NFE2L3: variants seen among roughly 807,000 people sequenced by gnomAD.
NFE2L3 encodes the protein nuclear factor erythroid 2-related factor 3.
Under a neutral mutation model 23.5 loss-of-function variants are expected in NFE2L3, and 18 were observed. The observed-to-expected ratio is 0.77, with a 90% CI of 0.53 to 1.13. The LOEUF is 1.13. NFE2L3 is among the 50% of genes most tolerant of loss of function. The probability of loss-of-function intolerance (pLI) is 0.00; values close to 1 mark genes in which losing one functional copy is unlikely to be tolerated. For missense variants in NFE2L3, 1,152 were observed against 877.2 expected, an observed-to-expected ratio of 1.31 and a Z score of -3.96; for synonymous variants, 424 against 354.5, an observed-to-expected ratio of 1.20 and a Z score of -2.20.
At chr7:26,182,793 T>C (rs1782352000) in intron 2 of NFE2L3, among the ~76,000 whole-genome samples, 1 of 151,894 alleles carries the variant, frequency 6.6e-6, no homozygotes, top group African/African-American at 2.4e-5. Context: ...TGTAAATAAG[T>C]ATTGACTGTA....
chr7:26,179,891 T>TAAGAG (rs1784476755), intron 2 of NFE2L3, among the ~76,000 whole-genome samples: 1 of 152,078 alleles, frequency 6.6e-6, no homozygotes, highest in African/African-American at 2.4e-5. Flanking sequence ...GTGGGCACCT[T>TAAGAG]TTCGTGTATA....
In NFE2L3 at chr7:26,183,783, A is replaced by C; in HGVS notation, c.833A>C (p.Glu278Ala). Residue 278 changes from glutamate (E) to alanine (A), a missense_variant and splice_region_variant, in exon 3 of 4, where the codon GAG becomes GCG. By Grantham distance (107) the Glu-to-Ala change is moderately radical (BLOSUM62 -1). Transcript: ENST00000056233. ...LLSSQPENSLEGISLGDIPLP... is the reference protein window; with the variant it reads ...LLSSQPENSLAGISLGDIPLP... ...TCATCACAGCCTGAAAATTCACTGG[A>C]GGTAATTGGAACTTTGGCTTTTATC... 1.2e-6 allele frequency: 2 copies of C among 1,608,140 alleles called. No individual in the cohort carries two copies. Among genetic ancestry groups the C allele is most frequent in the South Asian group, 1.1e-5 (1 of 90,958 alleles).
intron 1 of NFE2L3, among the ~76,000 whole-genome samples, chr7:26,171,249 T>C (rs1784324207): frequency 6.6e-6 from 1 of 152,170 alleles, no homozygotes; most frequent in African/African-American, 2.4e-5. Context: ...CTATGCACCA[T>C]TAAGAAGCCA....
In NFE2L3 at chr7:26,186,598, G is replaced by GT. The variant is rs986380696; in HGVS notation, c.*816dup. The GT allele has an allele frequency of 5.3e-5, 8 of 152,142 alleles. No homozygotes were observed. Among genetic ancestry groups the GT allele is most frequent in the Non-Finnish European group, 8.8e-5 (6 of 68,028 alleles). 9.4% of individuals were successfully genotyped at this position (152,142 alleles called of 1,614,324 possible). ...GACAGAATGGGCTACTTGCAAAAAC[G>GT]TAACTCCTTGTGTGTATATTAAATC... On this transcript the variant is annotated 3_prime_UTR_variant, in exon 4 of 4. Coordinates refer to ENST00000056233, the MANE Select transcript of NFE2L3 (RefSeq NM_004289.7).
At chr7:26,165,663 G>A (rs925808541) in intron 1 of NFE2L3, among the ~76,000 whole-genome samples, 3 of 151,994 alleles carry the variant, frequency 2.0e-5, no homozygotes, top group African/African-American at 7.3e-5. Flanking sequence ...TGATTGCCCT[G>A]GCCAGAACTT....
At chr7:26,167,850 A>G (rs1784274279) in intron 1 of NFE2L3, among the ~76,000 whole-genome samples, 1 of 152,262 alleles carries the variant, frequency 6.6e-6, no homozygotes, top group African/African-American at 2.4e-5. Flanking sequence ...AAAAAGCAGT[A>G]GCAAGGAGTA....
chr7:26,183,909 C>CT, intron 3 of NFE2L3, 125 bp downstream of exon 3: 4 of 668,844 alleles, frequency 6.0e-6, no homozygotes, highest in South Asian at 1.8e-5. Flanking sequence ...TACAGAAGCA[C>CT]TTCAGCTTAG....
rs200943622 is a variant in NFE2L3, at chr7:26,185,404, A to G, written c.1706A>G (p.Tyr569Cys). 6.8e-6 allele frequency: 11 copies of G among 1,614,018 alleles called. No individual in the cohort carries two copies. The East Asian group carries it at 8.9e-5, about 13-fold the overall frequency. ...VDSFNSMLSRYYLTDLQVSLI... is the reference protein window; with the variant it reads ...VDSFNSMLSRCYLTDLQVSLI... Reference sequence around the variant, plus strand: ...TCTTTCAATAGCATGTTAAGTAGATATTATCTGACAGACCTACAAGTCTCA... The same window carrying G: ...TCTTTCAATAGCATGTTAAGTAGATGTTATCTGACAGACCTACAAGTCTCA... The change falls in exon 4 of 4, where the codon TAT becomes TGT. Residue 569 changes from tyrosine to cysteine, a missense_variant. Tyr to Cys is a radical substitution (Grantham distance 194). Coordinates refer to ENST00000056233, the MANE Select transcript of NFE2L3 (RefSeq NM_004289.7).
chr7:26,174,285 A>G (rs1006017305), intron 1 of NFE2L3: 25 of 152,406 alleles, frequency 1.6e-4, no homozygotes, highest in Admixed American at 1.4e-3. Flanking sequence ...AAGAGAAAAT[A>G]CACTGAGTAC....
At chr7:26,179,567 G>A (rs773474564) in intron 2 of NFE2L3, among the ~76,000 whole-genome samples, 8 of 151,940 alleles carry the variant, frequency 5.3e-5, no homozygotes, top group South Asian at 2.1e-4. Flanking sequence ...TTAGCTGGGC[G>A]TAGTGGTGTG....
At position 26,184,926 on chromosome 7, in the gene NFE2L3, C is replaced by T; in HGVS notation, c.1228C>T (p.Gln410Ter). 4.3e-6 allele frequency: 7 copies of T among 1,613,896 alleles called. No homozygotes were observed. The highest frequency in any genetic ancestry group is 5.1e-6 in the Non-Finnish European group (6 of 1,179,824). ...EDNFDPIDVS[Q>*]LFDEPDSDSG... is the part of the protein sequence containing the mutation. ...CAACTTTGATCCAATCGATGTTTCT[C>T]AGCTTTTTGATGAACCAGATTCTGA... Residue 410 changes from glutamine (Q) to a stop codon, truncating the protein, a stop_gained, in exon 4 of 4, where the codon CAG (glutamine) becomes TAG (stop). Transcript: ENST00000056233. LOFTEE classifies it low-confidence loss of function (END_TRUNC).
chr7:26,172,623 ATTG>A (rs1166737026), intron 1 of NFE2L3, among the ~76,000 whole-genome samples: 1 of 152,150 alleles, frequency 6.6e-6, no homozygotes, highest in Admixed American at 6.5e-5. Flanking sequence ...TCACCTTTAG[ATTG>A]TTGAAGGGCA....
Position 26,156,233 on chromosome 7 carries a change from A to G in NFE2L3, c.570+3165A>G, listed in dbSNP as rs577935509. Reference sequence around the variant, plus strand: ...GAGAATTAAAAAGTTCATTCCATGTAAAGGGCTTAGAACTTGCCTGTCACT... The same window carrying G: ...GAGAATTAAAAAGTTCATTCCATGTGAAGGGCTTAGAACTTGCCTGTCACT... On this transcript the variant is annotated intron_variant, in intron 1 of 3. Coordinates refer to ENST00000056233, the MANE Select transcript of NFE2L3 (RefSeq NM_004289.7). 1.2e-4 allele frequency among the ~76,000 whole-genome samples: 19 copies of G among 152,324 alleles called. No homozygotes were observed. The South Asian group carries it at 2.3e-3, about 18-fold the overall frequency.
chr7:26,172,496 A>G (rs1156575934), intron 1 of NFE2L3, among the ~76,000 whole-genome samples: 1 of 152,220 alleles, frequency 6.6e-6, no homozygotes, highest in Non-Finnish European at 1.5e-5. Context: ...CAGGACATTT[A>G]ATCTGAATGT....
chr7:26,166,425 A>C (rs1327455508), intron 1 of NFE2L3, among the ~76,000 whole-genome samples: 2 of 152,198 alleles, frequency 1.3e-5, no homozygotes, highest in African/African-American at 4.8e-5. Context: ...TCAGGGACAC[A>C]CATGGACCTG....
At chr7:26,162,236 C>T (rs1305930000) in intron 1 of NFE2L3, among the ~76,000 whole-genome samples, 3 of 151,098 alleles carry the variant, frequency 2.0e-5, no homozygotes, top group African/African-American at 7.4e-5. Context: ...AGTTCTATAT[C>T]GTGGTTGGGG....
chr7:26,163,641 G>A (rs1176435701), intron 1 of NFE2L3, among the ~76,000 whole-genome samples: 3 of 152,024 alleles, frequency 2.0e-5, no homozygotes, highest in Non-Finnish European at 4.4e-5. Context: ...GCTACCACAC[G>A]TGGCCAGGAT....
chr7:26,179,013 C>T (rs908892101), intron 2 of NFE2L3, among the ~76,000 whole-genome samples: 6 of 152,052 alleles, frequency 3.9e-5, no homozygotes, highest in African/African-American at 1.2e-4. Flanking sequence ...GTAGCCCTGG[C>T]CATGTAATAT....
chr7:26,165,322 C>T (rs1384544840), intron 1 of NFE2L3, among the ~76,000 whole-genome samples: 2 of 152,124 alleles, frequency 1.3e-5, no homozygotes, highest in Non-Finnish European at 1.5e-5. Context: ...TCTTTTATTT[C>T]GTTGAGCAGT....
Sources: gnomAD v4.1 joint callset for allele counts (sites outside exome capture counted in the v4.1 genomes callset) on GRCh38, gnomAD v4.1.1 for gene constraint, MANE v1.5 for transcripts, NCBI Gene and HGNC (gene_info 2026-07-23, HGNC 2026-07-21) for gene names.